Variants in CAGE1 observed in about 807,000 individuals in gnomAD.
The protein encoded by CAGE1 is cancer antigen 1.
In CAGE1, 66 loss-of-function variants were observed where a neutral mutation model predicts 94.9. The observed-to-expected ratio is 0.70, with a 90% CI of 0.57 to 0.85. The LOEUF (loss-of-function observed/expected upper bound fraction) is 0.85, where lower values mean the gene tolerates loss of function less well. Ranked by LOEUF, CAGE1 falls within the 40% of genes least tolerant of loss-of-function variation. The pLI, the probability that CAGE1 is intolerant of heterozygous loss-of-function variation, is 0.00. For missense variants in CAGE1, 865 were observed against 950.4 expected, an observed-to-expected ratio of 0.91 and a Z score of 1.18; for synonymous variants, 319 against 321.0, an observed-to-expected ratio of 0.99 and a Z score of 0.07.
chr6:7,354,392 G>A (rs1759883104), intron 11 of CAGE1, among the ~76,000 whole-genome samples: 1 of 152,152 alleles, frequency 6.6e-6, no homozygotes, highest in South Asian at 2.1e-4. Context: ...AAAACCAAAT[G>A]CAAACTTTCT....
At position 7,378,764 on chromosome 6, in the gene CAGE1, G is replaced by A. The variant is rs778175256; in HGVS notation, c.540C>T (p.Asn180=). The part of the protein sequence containing the change: ...SVSANTDQLG[N]EYFRQPPPRS... ...TAGGAGGAGGCTGTCTAAAATACTC[G>A]TTACCAAGTTGGTCTGTATTTGCAG... is the stretch of plus-strand genomic sequence containing the variant. The change falls in exon 4 of 14, where the codon AAC becomes AAT. Residue 180 remains asparagine, a synonymous_variant. Coordinates refer to ENST00000502583, the MANE Select transcript of CAGE1 (RefSeq NM_001170692.2). The A allele has an allele frequency of 1.1e-5, 17 of 1,613,794 alleles. No individual in the cohort carries two copies. Among genetic ancestry groups the A allele is most frequent in the Admixed American group, 3.3e-5 (2 of 59,972 alleles).
In CAGE1 at chr6:7,370,034, G is replaced by A. The variant is rs376342450; in HGVS notation, c.1778C>T (p.Pro593Leu). ...DTKTTHSNLL[P>L]DCSPCEERLN... is the part of the protein sequence containing the mutation. ...CCTCTCTTCACAAGGTGAGCAATCC[G>A]GGAGCAGATTAGAATGTGTCGTTTT... The change falls in exon 6 of 14, where the codon CCG becomes CTG. Residue 593 changes from proline (P) to leucine (L), a missense_variant. Transcript: ENST00000502583. 81 of 1,612,386 alleles carry A rather than the reference G, an allele frequency of 5.0e-5. No homozygotes were observed. Among genetic ancestry groups the A allele is most frequent in the Non-Finnish European group, 6.6e-5 (78 of 1,179,342 alleles).
intron 9 of CAGE1, among the ~76,000 whole-genome samples, chr6:7,357,905 T>G (rs1236530508): frequency 1.3e-5 from 2 of 151,332 alleles, no homozygotes; most frequent in Non-Finnish European, 2.9e-5. Flanking sequence ...GTGATTCTCC[T>G]GCCTCAGCCT....
Position 7,365,849 on chromosome 6 carries a change from T to C in CAGE1, c.2040A>G (p.Arg680=). 1 of 1,539,970 alleles carries C rather than the reference T, an allele frequency of 6.5e-7. No individual in the cohort carries two copies. ...ATGCTTTTTCCTTAGCAATTAACTCTCTAAAGGTTGTGATTCTATCTTTAT... is the reference window on the plus strand; with the variant it reads ...ATGCTTTTTCCTTAGCAATTAACTCCCTAAAGGTTGTGATTCTATCTTTAT... ...LKHKDRITTF[R]ELIAKEKAFQ... is the part of the protein sequence containing the mutation. The change falls in exon 8 of 14, where the codon AGA becomes AGG. Residue 680 remains arginine (R), a synonymous_variant. Transcript: ENST00000502583.
intron 9 of CAGE1, among the ~76,000 whole-genome samples, chr6:7,357,660 A>T (rs545314416): frequency 3.3e-5 from 5 of 152,322 alleles, no homozygotes; most frequent in Admixed American, 2.6e-4. Flanking sequence ...GATTATCATG[A>T]AAAGAAATAC....
chr6:7,355,159 A>C (rs376595406), intron 10 of CAGE1, 48 bp from the exon 11 acceptor site: 63 of 1,387,812 alleles, frequency 4.5e-5, no homozygotes, highest in Non-Finnish European at 5.7e-5. Flanking sequence ...TAGAATTTTT[A>C]TTTTTTTCTT....
intron 4 of CAGE1, among the ~76,000 whole-genome samples, chr6:7,376,137 C>G (rs1231848818): frequency 6.6e-6 from 1 of 152,100 alleles, no homozygotes; most frequent in Non-Finnish European, 1.5e-5. Flanking sequence ...CACCTGTAAT[C>G]CCAGCACTTT....
At chr6:7,355,238 T>C in intron 10 of CAGE1, 127 bp from the exon 11 acceptor site, 1 of 577,686 alleles carries the variant, frequency 1.7e-6, no homozygotes, top group Non-Finnish European at 3.1e-6. Flanking sequence ...GCAAAACACT[T>C]TCCTTACATT....
chr6:7,335,098 C>A (rs2113350765), intron 11 of CAGE1, among the ~76,000 whole-genome samples: 1 of 152,324 alleles, frequency 6.6e-6, no homozygotes, highest in Middle Eastern at 3.4e-3. Flanking sequence ...ATCACACCAC[C>A]TTTTCTCCCC....
intron 9 of CAGE1, among the ~76,000 whole-genome samples, chr6:7,358,048 A>ATATATATATATATATATATATG (rs1760032749): frequency 4.2e-5 from 5 of 119,180 alleles, no homozygotes; most frequent in African/African-American, 6.6e-5. Context: ...ATATATATAT[A>ATATATATATATATATATATATG]TATATATATA....
chr6:7,328,873 AGT>A (rs545926619), intron 13 of CAGE1, among the ~76,000 whole-genome samples: 10,215 of 105,008 alleles, frequency 0.097, 631 homozygotes, highest in Middle Eastern at 0.17. Context: ...GTATCTTATA[AGT>A]GTGTGTGTGT....
At chr6:7,345,324 C>T (rs1459878635) in intron 11 of CAGE1, among the ~76,000 whole-genome samples, 1 of 151,736 alleles carries the variant, frequency 6.6e-6, no homozygotes, top group East Asian at 1.9e-4. Context: ...ACCAGCGAGA[C>T]CACTAAACCC....
At chr6:7,376,374 G>A (rs1760742719) in intron 4 of CAGE1, among the ~76,000 whole-genome samples, 1 of 150,976 alleles carries the variant, frequency 6.6e-6, no homozygotes, top group African/African-American at 2.4e-5. Context: ...GGGCGACAGA[G>A]CGAGACTCCA....
chr6:7,337,075 C>A (rs937746850), intron 11 of CAGE1, among the ~76,000 whole-genome samples: 1 of 152,036 alleles, frequency 6.6e-6, no homozygotes, highest in East Asian at 1.9e-4. Flanking sequence ...GTAATCCCAG[C>A]ACTTTGGGAG....
Position 7,339,472 on chromosome 6 carries a change from C to T in CAGE1, c.2370-5382G>A. On this transcript the variant is annotated intron_variant, in intron 11 of 13. Transcript: ENST00000502583. This position sits in a 1 kb window ranked among gnomAD's most constrained non-coding sequence, Gnocchi z 4.7. ...ACTCGCATCTCAACTCCAGAGTAGC[C>T]ATCTTCAGCCAGCTCCTGAGTAAGA... 1 of 942,586 alleles carries T rather than the reference C, an allele frequency of 1.1e-6. No individual in the cohort carries two copies. Among genetic ancestry groups the T allele is most frequent in the African/African-American group, 1.6e-5 (1 of 62,190 alleles). The allele number at this position is 942,586 out of a possible 1,614,324, so 58.4% of individuals were successfully genotyped here. A position where few individuals can be genotyped will look rare whatever the true frequency, so the allele number is the denominator to read the frequency against.
chr6:7,341,072 T>C, intron 11 of CAGE1: 1 of 521,050 alleles, frequency 1.9e-6, no homozygotes, highest in Non-Finnish European at 3.8e-6. Flanking sequence ...AGGCCAGAGC[T>C]GCAGCTGTGA....
chr6:7,386,076 A>G (rs1761111369), intron 2 of CAGE1, among the ~76,000 whole-genome samples: 1 of 152,240 alleles, frequency 6.6e-6, no homozygotes, highest in Non-Finnish European at 1.5e-5. Context: ...ACAACAATGT[A>G]ACAAATAGCT....
chr6:7,358,070 A>ATATATATATATATATATT (rs1321838889), intron 9 of CAGE1, among the ~76,000 whole-genome samples: 4 of 120,896 alleles, frequency 3.3e-5, no homozygotes, highest in Non-Finnish European at 7.0e-5. Flanking sequence ...ATATATATAT[A>ATATATATATATATATATT]TGCCTCCAAA....
chr6:7,348,563 G>A (rs199946622), intron 11 of CAGE1, among the ~76,000 whole-genome samples: 1 of 151,854 alleles, frequency 6.6e-6, no homozygotes, highest in Non-Finnish European at 1.5e-5. Context: ...CAAACCAAGA[G>A]GAAATCCCTG....
Sources: gnomAD v4.1 joint callset for allele counts (sites outside exome capture counted in the v4.1 genomes callset) on GRCh38, gnomAD v4.1.1 for gene constraint, Gnocchi (gnomAD v3.1) non-coding constraint, MANE v1.5 for transcripts, NCBI Gene and HGNC (gene_info 2026-07-23, HGNC 2026-07-21) for gene names.